Variants in TNKS observed in about 807,000 individuals in gnomAD.
The protein encoded by TNKS is poly [ADP-ribose] polymerase tankyrase-1.
Under a neutral mutation model 135.8 loss-of-function variants are expected in TNKS, and 72 were observed. That is an observed-to-expected ratio of 0.53 (90% confidence interval 0.44 to 0.64). TNKS has a LOEUF of 0.64. TNKS is among the 30% of genes least tolerant of loss of function. The pLI, the probability that TNKS is intolerant of heterozygous loss-of-function variation, is 0.00. For synonymous variants in TNKS, 849 were observed against 649.3 expected, an observed-to-expected ratio of 1.31 and a Z score of -4.68; for missense variants, 1,769 against 1,674.0, an observed-to-expected ratio of 1.06 and a Z score of -0.99.
At chr8:9,656,479 G>A (rs1801373704) in intron 3 of TNKS, among the ~76,000 whole-genome samples, 1 of 152,158 alleles carries the variant, frequency 6.6e-6, no homozygotes, top group African/African-American at 2.4e-5. Flanking sequence ...AATGTTAAGG[G>A]CAGCCAGAGA....
chr8:9,698,426 T>C (rs1007344665), intron 5 of TNKS, among the ~76,000 whole-genome samples: 1 of 148,228 alleles, frequency 6.7e-6, no homozygotes, highest in African/African-American at 2.5e-5. Context: ...AAGATGATGA[T>C]AAATAATAAC....
chr8:9,580,439 T>C (rs1798123631), intron 2 of TNKS, 56 bp downstream of exon 2: 2 of 1,505,470 alleles, frequency 1.3e-6, no homozygotes, highest in South Asian at 1.2e-5. Flanking sequence ...CTTACTTTTT[T>C]TGTGGTACAA....
chr8:9,639,804 C>T (rs1281813402), intron 3 of TNKS, among the ~76,000 whole-genome samples: 2 of 152,088 alleles, frequency 1.3e-5, no homozygotes, highest in Non-Finnish European at 2.9e-5. Context: ...AAAAGGGCTT[C>T]TTTGAGTATT....
At chr8:9,774,652 G>A (rs1482165292) in intron 26 of TNKS, among the ~76,000 whole-genome samples, 2 of 152,172 alleles carry the variant, frequency 1.3e-5, no homozygotes, top group Admixed American at 6.5e-5. Context: ...GTAACTTAAA[G>A]GGCACACAGA....
intron 2 of TNKS, among the ~76,000 whole-genome samples, chr8:9,581,930 A>G (rs1490945461): frequency 6.6e-6 from 1 of 152,168 alleles, no homozygotes; most frequent in Non-Finnish European, 1.5e-5. Flanking sequence ...TAATGAATGG[A>G]TCCCTGCAGC....
chr8:9,561,873 A>G (rs1316709887), intron 1 of TNKS, among the ~76,000 whole-genome samples: 1 of 152,092 alleles, frequency 6.6e-6, no homozygotes, highest in East Asian at 1.9e-4. Flanking sequence ...CTGTCGTATA[A>G]TGGTGCGATC....
intron 3 of TNKS, among the ~76,000 whole-genome samples, chr8:9,631,697 C>T (rs542933847): frequency 1.6e-4 from 24 of 149,352 alleles, no homozygotes; most frequent in Non-Finnish European, 3.1e-4. Context: ...GACTTTCCAT[C>T]TTATTTCTTC....
At chr8:9,770,322 AC>A in intron 26 of TNKS, 60 bp downstream of exon 26, 1 of 1,509,298 alleles carries the variant, frequency 6.6e-7, no homozygotes, top group Non-Finnish European at 9.0e-7. Flanking sequence ...GAGCACAGAG[AC>A]CGTGTAAGAC....
At chr8:9,751,068 G>GC (rs1554484711) in intron 18 of TNKS, among the ~76,000 whole-genome samples, 1 of 87,568 alleles carries the variant, frequency 1.1e-5, no homozygotes, top group Non-Finnish European at 2.3e-5. Flanking sequence ...TCGGCGGGTA[G>GC]GGGGCAGAAA....
intron 11 of TNKS, among the ~76,000 whole-genome samples, chr8:9,718,085 A>T (rs561037798): frequency 1.3e-5 from 2 of 152,264 alleles, no homozygotes; most frequent in East Asian, 3.9e-4. Context: ...TTGTATTGTC[A>T]ATTGGAGAGT....
At position 9,572,417 on chromosome 8, in the gene TNKS, T is replaced by G. The variant is rs145633410; in HGVS notation, c.674-7742T>G. On this transcript the variant is annotated intron_variant, in intron 1 of 26. Coordinates refer to ENST00000310430, the MANE Select transcript of TNKS (RefSeq NM_003747.3). ...CTCCATGAATATATTAATCTGAACT[T>G]TTACTTCTTCCTTTAATTATTAAAA... Among the ~76,000 whole-genome samples, 327 of 152,312 alleles carry G rather than the reference T, an allele frequency of 2.1e-3. 3 individuals are homozygous for G. The highest frequency in any genetic ancestry group is 7.7e-3 in the African/African-American group (319 of 41,562).
intron 17 of TNKS, among the ~76,000 whole-genome samples, chr8:9,745,342 C>G (rs1161355186): frequency 2.0e-5 from 3 of 152,092 alleles, no homozygotes; most frequent in Admixed American, 1.3e-4. Context: ...ACAAAACATC[C>G]TGTTCTGAGA....
At chr8:9,604,078 G>T (rs151318330) in intron 2 of TNKS, among the ~76,000 whole-genome samples, 20 of 152,190 alleles carry the variant, frequency 1.3e-4, no homozygotes, top group Non-Finnish European at 2.8e-4. Context: ...TTATATCAAA[G>T]AGTTTTGATT....
intron 2 of TNKS, among the ~76,000 whole-genome samples, chr8:9,595,609 C>G (rs11998252): frequency 1.8e-4 from 27 of 151,912 alleles, no homozygotes; most frequent in African/African-American, 6.5e-4. Flanking sequence ...CCAGGAAAAG[C>G]ACCCGTATGG....
At chr8:9,629,270 G>C (rs1256415167) in intron 3 of TNKS, among the ~76,000 whole-genome samples, 1 of 152,220 alleles carries the variant, frequency 6.6e-6, no homozygotes. Context: ...TTCTGATGCA[G>C]ACTCCTAATC....
At chr8:9,556,941 G>A (rs568311570) in intron 1 of TNKS, 12 of 490,452 alleles carry the variant, frequency 2.4e-5, no homozygotes, top group Middle Eastern at 5.3e-4. Flanking sequence ...CAGCTTTAGA[G>A]TAGTTTTGTC....
At chr8:9,723,834 G>C (rs1049521596) in intron 12 of TNKS, among the ~76,000 whole-genome samples, 3 of 152,040 alleles carry the variant, frequency 2.0e-5, no homozygotes, top group Non-Finnish European at 4.4e-5. Context: ...TTTTAAGTTC[G>C]ATCTTGACCT....
At chr8:9,582,761 A>G (rs1798216281) in intron 2 of TNKS, among the ~76,000 whole-genome samples, 1 of 152,234 alleles carries the variant, frequency 6.6e-6, no homozygotes, top group South Asian at 2.1e-4. Flanking sequence ...ATTAATTGCC[A>G]TTATTAATTA....
intron 13 of TNKS, among the ~76,000 whole-genome samples, chr8:9,729,124 C>G (rs962501928): frequency 2.0e-5 from 3 of 152,160 alleles, no homozygotes; most frequent in African/African-American, 7.2e-5. Context: ...TGTATCCTCA[C>G]TTGGCAGAAG....
Sources: gnomAD v4.1 joint callset for allele counts (sites outside exome capture counted in the v4.1 genomes callset) on GRCh38, gnomAD v4.1.1 for gene constraint, MANE v1.5 for transcripts, NCBI Gene and HGNC (gene_info 2026-07-23, HGNC 2026-07-21) for gene names.